USP9X: variants seen among roughly 807,000 people sequenced by gnomAD.
USP9X encodes ubiquitin specific peptidase 9 X-linked.
In USP9X, 7 loss-of-function variants were observed where a neutral mutation model predicts 190.3. The ratio of observed to expected loss-of-function variants is 0.04; its 90% CI spans 0.02 to 0.07. The LOEUF is 0.07. USP9X is among the 10% of genes least tolerant of loss of function. USP9X has a pLI of 1.00. For synonymous variants in USP9X, 645 were observed against 659.5 expected, an observed-to-expected ratio of 0.98 and a Z score of 0.34; for missense variants, 1,010 against 1,916.9, an observed-to-expected ratio of 0.53 and a Z score of 8.83.
At chrX:41,120,747 C>T (rs2062184343) in intron 1 of USP9X, among the ~76,000 whole-genome samples, 1 of 111,046 alleles carries the variant, frequency 9.0e-6, no homozygotes, top group African/African-American at 3.3e-5. Context: ...ATCCGCCCGC[C>T]TCAGCCTCCC....
chrX:41,232,148 T>C (rs1221705809), intron 44 of USP9X, among the ~76,000 whole-genome samples: 1 of 111,955 alleles, frequency 8.9e-6, no homozygotes, highest in East Asian at 2.8e-4. Flanking sequence ...CAAAGATTTA[T>C]GTGGACCTAC....
At chrX:41,147,090 C>T (rs2062472237) in intron 11 of USP9X, among the ~76,000 whole-genome samples, 2 of 109,958 alleles carry the variant, frequency 1.8e-5, no homozygotes, top group South Asian at 7.5e-4. Context: ...TAGCTTTCTT[C>T]TTTTTTACTT....
At chrX:41,115,245 A>AAAG (rs200591281) in intron 1 of USP9X, among the ~76,000 whole-genome samples, 13 of 74,470 alleles carry the variant, frequency 1.7e-4, no homozygotes, top group Admixed American at 5.0e-4. Context: ...AGAAAAAGAA[A>AAAG]AAAAAAAAAA....
At chrX:41,121,760 C>T (rs113819928) in intron 1 of USP9X, among the ~76,000 whole-genome samples, 14,689 of 110,657 alleles carry the variant, frequency 0.13, 900 homozygotes, top group East Asian at 0.21. Flanking sequence ...CTCCCAGATA[C>T]TGTAATTTAT....
chrX:41,122,823 A>G (rs768580011), intron 1 of USP9X, among the ~76,000 whole-genome samples: 46 of 110,738 alleles, frequency 4.2e-4, no homozygotes, highest in Non-Finnish European at 7.8e-4. Flanking sequence ...TGGAGAGGGG[A>G]TGGAGTGGGA....
chrX:41,125,399 G>T (rs1207547036), intron 2 of USP9X, among the ~76,000 whole-genome samples: 1 of 107,404 alleles, frequency 9.3e-6, no homozygotes, highest in African/African-American at 3.4e-5. Context: ...TTTTTAAGTG[G>T]AGGAATTTTT....
intron 31 of USP9X, among the ~76,000 whole-genome samples, chrX:41,202,787 C>T (rs2063054535): frequency 8.9e-6 from 1 of 111,931 alleles, no homozygotes; most frequent in Admixed American, 9.5e-5. Flanking sequence ...TTGAGTTAAA[C>T]ACAAGTAGAT....
chrX:41,225,395 G>A lies in USP9X; in HGVS notation c.7061+258G>A, dbSNP rs1452773144. 2.7e-5 allele frequency among the ~76,000 whole-genome samples: 3 copies of A among 112,034 alleles called. No individual in the cohort carries two copies. In the East Asian group the frequency reaches 8.3e-4, roughly 31 times the overall value. ...GAATGACTTTTTTAATTAAGGAGGA[G>A]CTAGCTTGGGCATTTGGTAAATATT... On this transcript the variant is annotated intron_variant, in intron 41 of 44. Coordinates refer to ENST00000378308, the MANE Select transcript of USP9X (RefSeq NM_001039591.3).
chrX:41,134,939 T>A, intron 5 of USP9X, 102 bp downstream of exon 5: 1 of 613,451 alleles, frequency 1.6e-6, no homozygotes, highest in East Asian at 3.8e-5. Context: ...TATTCTGTTA[T>A]AATTGAATTA....
chrX:41,170,221 T>TTAAAAGATAAATCGGTATGTATGTA lies in USP9X; in HGVS notation c.2866_2877+13dup. ...TAGAAAGTTGATTGGACAATTAAACTTAAAAGATAAATCGGTATGTATGTA... is the reference window on the plus strand; with the variant it reads ...TAGAAAGTTGATTGGACAATTAAACTTAAAAGATAAATCGGTATGTATGTATAAAAGATAAATCGGTATGTATGTA... On this transcript the variant is annotated frameshift_variant, in exon 19 of 45. Coordinates refer to ENST00000378308, the MANE Select transcript of USP9X (RefSeq NM_001039591.3). LOFTEE classifies it high-confidence loss of function. The TTAAAAGATAAATCGGTATGTATGTA allele has an allele frequency of 8.3e-7, 1 of 1,210,153 alleles. No individual in the cohort carries two copies.
chrX:41,201,844 GC>G (rs1285314048), intron 31 of USP9X, among the ~76,000 whole-genome samples: 1 of 111,404 alleles, frequency 9.0e-6, no homozygotes, highest in African/African-American at 3.3e-5. Context: ...GGTGGCACAT[GC>G]CTGTAGTCCT....
rs181847625 is a variant in USP9X, at chrX:41,186,503, T to A, written c.3559-14T>A. ...AAATTATTTACTCCAAATAAAATGG[T>A]TAACTTTTTTCAGATCAACCAAGTT... On this transcript the variant is annotated splice_polypyrimidine_tract_variant and intron_variant, in intron 23 of 44. Transcript: ENST00000378308. 4 of 1,208,817 alleles carry A rather than the reference T, an allele frequency of 3.3e-6. No individual in the cohort carries two copies. The African/African-American group carries it at 5.2e-5, about 16-fold the overall frequency.
In USP9X at chrX:41,214,481, A is replaced by G. The variant is rs2058321; in HGVS notation, c.5190-87A>G. 103,614 of 931,983 alleles carry G rather than the reference A, an allele frequency of 0.11. 4,833 individuals are homozygous for G. The highest frequency in any genetic ancestry group is 0.24 in the East Asian group (6,237 of 26,320). The allele number at this position is 931,983 out of a possible 1,213,427, so 76.8% of individuals were successfully genotyped here. ...CTAGAACTTAAAGTATAATTTAAAA[A>G]AAAAAGGCAAATGTAGTTTACATTA... On this transcript the variant is annotated intron_variant, in intron 33 of 44. Coordinates refer to ENST00000378308, the MANE Select transcript of USP9X (RefSeq NM_001039591.3).
intron 1 of USP9X, among the ~76,000 whole-genome samples, chrX:41,094,859 T>C (rs997743427): frequency 9.2e-6 from 1 of 108,149 alleles, no homozygotes; most frequent in Admixed American, 9.9e-5. Context: ...GCCAACATGG[T>C]GAGACCCCCG....
chrX:41,142,780 T>G (rs1025792491), intron 9 of USP9X, among the ~76,000 whole-genome samples: 1 of 112,260 alleles, frequency 8.9e-6, no homozygotes, highest in African/African-American at 3.2e-5. Flanking sequence ...ATTCCAATTC[T>G]AGCATCTGTG....
At chrX:41,131,878 G>A (rs926014993) in intron 4 of USP9X, among the ~76,000 whole-genome samples, 11 of 111,547 alleles carry the variant, frequency 9.9e-5, no homozygotes, top group Non-Finnish European at 1.5e-4. Flanking sequence ...TATAAATGAT[G>A]GATGGTATGA....
Position 41,219,146 on chromosome X carries a change from A to G in USP9X, c.6480A>G (p.Val2160=), listed in dbSNP as rs2147252765. 8.3e-7 allele frequency: 1 copy of G among 1,209,480 alleles called. No homozygotes were observed. The highest frequency in any genetic ancestry group is 1.8e-5 in the South Asian group (1 of 56,790). The change falls in exon 38 of 45, where the codon GTA becomes GTG. Residue 2160 remains valine (V), a synonymous_variant. Coordinates refer to ENST00000378308, the MANE Select transcript of USP9X (RefSeq NM_001039591.3). ...LSLSDHLLRA[V]LNLLRREVSE... is the part of the protein sequence containing the mutation. ...TGAGTGATCACTTACTAAGAGCAGT[A>G]CTAAATCTCTTGAGAAGGGAAGTTT...
intron 32 of USP9X, 101 bp from the exon 33 acceptor site, chrX:41,210,408 T>C: frequency 1.1e-6 from 1 of 874,508 alleles, no homozygotes; most frequent in South Asian, 2.3e-5. Flanking sequence ...TATATACTGT[T>C]GTTTGTGGTC....
At chrX:41,171,480 G>A (rs2062725443) in intron 20 of USP9X, among the ~76,000 whole-genome samples, 1 of 112,311 alleles carries the variant, frequency 8.9e-6, no homozygotes, top group Non-Finnish European at 1.9e-5. Context: ...TACAATAGTA[G>A]CAGCCACTCC....
Sources: gnomAD v4.1 joint callset for allele counts (sites outside exome capture counted in the v4.1 genomes callset) on GRCh38, gnomAD v4.1.1 for gene constraint, MANE v1.5 for transcripts, NCBI Gene and HGNC (gene_info 2026-07-23, HGNC 2026-07-21) for gene names.